The following LINGO2 variants were observed in gnomAD, a reference collection of about 807,000 sequenced individuals.
LINGO2 encodes the protein leucine rich repeat and Ig domain containing 2, also known as leucine-rich repeat and immunoglobulin-like domain-containing nogo receptor-interacting protein 2.
Under a neutral mutation model 30.6 loss-of-function variants are expected in LINGO2, and 14 were observed. The ratio of observed to expected loss-of-function variants is 0.46; its 90% CI spans 0.30 to 0.72. LINGO2 has a LOEUF of 0.72. Ranked by LOEUF, LINGO2 falls within the 30% of genes least tolerant of loss-of-function variation. LINGO2 has a pLI of 0.07. For synonymous variants in LINGO2, 317 were observed against 288.5 expected (o/e 1.10, Z -1.00); for missense variants, 729 against 751.7 (o/e 0.97, Z 0.35).
chr9:28,558,321 C>G (rs191592823), intron 1 of LINGO2, among the ~76,000 whole-genome samples: 4 of 151,836 alleles, frequency 2.6e-5, no homozygotes, highest in Admixed American at 1.3e-4. Flanking sequence ...TTTTCCTGCT[C>G]GGATGAAACT....
At chr9:28,306,467 G>C (rs1290504662) in intron 3 of LINGO2, among the ~76,000 whole-genome samples, 5 of 152,064 alleles carry the variant, frequency 3.3e-5, no homozygotes, top group Non-Finnish European at 7.4e-5. Flanking sequence ...ATGCCCACAA[G>C]AGAAAGCAGG....
At chr9:28,813,929 G>A in the LINGO2 span, among the ~76,000 whole-genome samples, 1 of 152,102 alleles carries the variant, frequency 6.6e-6, no homozygotes, top group Non-Finnish European at 1.5e-5. Context: ...TCTGATTGCA[G>A]CAAAGTTACC....
intron 1 of LINGO2, among the ~76,000 whole-genome samples, chr9:28,650,076 A>G (rs1427980232): frequency 6.6e-6 from 1 of 152,138 alleles, no homozygotes; most frequent in Non-Finnish European, 1.5e-5. Context: ...AGGTAGCTGT[A>G]CTAAAGGTCT....
At chr9:28,057,555 A>G (rs1310182592) in intron 4 of LINGO2, among the ~76,000 whole-genome samples, 2 of 147,218 alleles carry the variant, frequency 1.4e-5, no homozygotes, top group African/African-American at 2.5e-5. Context: ...GTATATAAGT[A>G]TATATATATA....
the LINGO2 span, among the ~76,000 whole-genome samples, chr9:29,035,982 T>C: frequency 6.6e-6 from 1 of 151,952 alleles, no homozygotes; most frequent in Non-Finnish European, 1.5e-5. Context: ...GCGGAAACAA[T>C]TTGGGAAGCA....
chr9:29,111,104 T>A, the LINGO2 span, among the ~76,000 whole-genome samples: 7 of 152,316 alleles, frequency 4.6e-5, no homozygotes, highest in South Asian at 1.5e-3. Flanking sequence ...TTATAGATAT[T>A]GAAATGTTAT....
the LINGO2 span, among the ~76,000 whole-genome samples, chr9:28,894,934 C>T: frequency 5.3e-5 from 8 of 152,024 alleles, no homozygotes; most frequent in Non-Finnish European, 1.0e-4. Context: ...TCAAGCTATA[C>T]AATAGATGTA....
At chr9:28,690,524 A>G in the LINGO2 span, among the ~76,000 whole-genome samples, 1 of 152,162 alleles carries the variant, frequency 6.6e-6, no homozygotes. Context: ...TTCATTTCTT[A>G]GTAGGAAAAT....
chr9:28,760,727 C>T, the LINGO2 span, among the ~76,000 whole-genome samples: 2 of 151,722 alleles, frequency 1.3e-5, no homozygotes, highest in African/African-American at 4.9e-5. Context: ...GGCTTAGCTC[C>T]CACTTTATCA....
At chr9:28,165,632 G>A (rs988758636) in intron 4 of LINGO2, among the ~76,000 whole-genome samples, 2 of 152,132 alleles carry the variant, frequency 1.3e-5, no homozygotes, top group African/African-American at 4.8e-5. Context: ...AAAGCTTGTG[G>A]TTTTCGTCAT....
At chr9:29,038,608 G>T in the LINGO2 span, among the ~76,000 whole-genome samples, 1 of 143,726 alleles carries the variant, frequency 7.0e-6, no homozygotes, top group African/African-American at 2.6e-5. Flanking sequence ...CATTAGAAAT[G>T]ATCCCTAGCA....
chr9:28,259,443 G>A (rs146212733), intron 4 of LINGO2, among the ~76,000 whole-genome samples: 18 of 151,872 alleles, frequency 1.2e-4, no homozygotes, highest in African/African-American at 3.4e-4. Context: ...TCTCCCAGTC[G>A]TACAAAAGAA....
chr9:28,546,999 T>C (rs927295527), intron 1 of LINGO2, among the ~76,000 whole-genome samples: 2 of 151,994 alleles, frequency 1.3e-5, no homozygotes, highest in Non-Finnish European at 2.9e-5. Context: ...GCAGGAAAAA[T>C]TGACTGGGAA....
chr9:28,997,207 C>T, the LINGO2 span, among the ~76,000 whole-genome samples: 111,724 of 151,812 alleles, frequency 0.74, 41,303 homozygotes, highest in Non-Finnish European at 0.76. Context: ...GGTGAGAGGA[C>T]TGCTTGAGGC....
chr9:28,839,781 G>C, the LINGO2 span, among the ~76,000 whole-genome samples: 1 of 152,186 alleles, frequency 6.6e-6, no homozygotes, highest in South Asian at 2.1e-4. Context: ...GCCATCCCAG[G>C]CTTGAAGGTG....
intron 1 of LINGO2, among the ~76,000 whole-genome samples, chr9:28,495,909 A>G (rs1819605041): frequency 6.6e-6 from 1 of 151,966 alleles, no homozygotes; most frequent in African/African-American, 2.4e-5. Context: ...CCTTAATTTC[A>G]TTATGTACCC....
intron 4 of LINGO2, among the ~76,000 whole-genome samples, chr9:28,146,627 T>C (rs990784030): frequency 1.3e-5 from 2 of 152,096 alleles, no homozygotes; most frequent in Admixed American, 6.5e-5. Flanking sequence ...AATTCTCCAA[T>C]AACAAGATGT....
chr9:28,345,752 C>T (rs1819539904), intron 3 of LINGO2, among the ~76,000 whole-genome samples: 1 of 152,170 alleles, frequency 6.6e-6, no homozygotes, highest in Non-Finnish European at 1.5e-5. Flanking sequence ...CTGTGGCCTA[C>T]ACACGTGGCT....
chr9:29,093,954 T>G, the LINGO2 span, among the ~76,000 whole-genome samples: 1 of 138,586 alleles, frequency 7.2e-6, no homozygotes, highest in African/African-American at 2.7e-5. Context: ...ACTTGATTTA[T>G]TGACTTTTCA....
Sources: allele counts gnomAD v4.1 joint callset (sites outside exome capture counted in the v4.1 genomes callset), GRCh38; gene constraint gnomAD v4.1.1; transcripts MANE v1.5; gene names NCBI Gene and HGNC (gene_info 2026-07-23, HGNC 2026-07-21).